The following APLF variants were observed in gnomAD, a reference collection of about 807,000 sequenced individuals.
APLF encodes the protein aprataxin and PNKP like factor.
APLF carries 61 observed loss-of-function variants against 55.6 expected under a neutral mutation model. The ratio of observed to expected loss-of-function variants is 1.10; its 90% CI spans 0.89 to 1.36. APLF has a LOEUF of 1.36. APLF is among the 40% of genes most tolerant of loss of function. The probability of loss-of-function intolerance (pLI) is 0.00; values close to 1 mark genes in which losing one functional copy is unlikely to be tolerated. For missense variants in APLF, 611 were observed against 602.5 expected (o/e 1.01, Z -0.15); for synonymous variants, 207 against 214.8 (o/e 0.96, Z 0.32).
At chr2:68,494,277 CAAAAAAAAAAAA>C (rs59466460) in intron 2 of APLF, among the ~76,000 whole-genome samples, 95 of 49,548 alleles carry the variant, frequency 1.9e-3, no homozygotes, top group Non-Finnish European at 2.3e-3. Flanking sequence ...GACCCCGTCT[CAAAAAAAAAAAA>C]AAAAAAAAAA....
At chr2:68,513,276 T>TA (rs1467802072) in intron 4 of APLF, 49 bp downstream of exon 4, 1 of 1,539,420 alleles carries the variant, frequency 6.5e-7, no homozygotes, top group Non-Finnish European at 8.7e-7. Flanking sequence ...TTCAAGTTAT[T>TA]ATGAAGGCAG....
chr2:68,548,654 A>G (rs1558550235), intron 8 of APLF, among the ~76,000 whole-genome samples: 1 of 151,948 alleles, frequency 6.6e-6, no homozygotes, highest in Non-Finnish European at 1.5e-5. Context: ...ACATACTTTT[A>G]TATATTTATT....
At chr2:68,535,985 C>T (rs1305838659) in intron 6 of APLF, among the ~76,000 whole-genome samples, 1 of 152,110 alleles carries the variant, frequency 6.6e-6, no homozygotes, top group East Asian at 1.9e-4. Flanking sequence ...CATCTGTTAG[C>T]CAGTGGATTT....
At chr2:68,565,897 G>A (rs913678434) in intron 8 of APLF, among the ~76,000 whole-genome samples, 1 of 152,112 alleles carries the variant, frequency 6.6e-6, no homozygotes, top group East Asian at 1.9e-4. Flanking sequence ...TTGCCTGGAC[G>A]TCTTTCTTAA....
intron 2 of APLF, among the ~76,000 whole-genome samples, chr2:68,495,512 G>A (rs975734992): frequency 1.3e-5 from 2 of 152,180 alleles, no homozygotes; most frequent in African/African-American, 4.8e-5. Context: ...CTCTGGCTTT[G>A]GAGGGTACAT....
chr2:68,496,277 G>C (rs1011398104), intron 2 of APLF, among the ~76,000 whole-genome samples: 1 of 151,806 alleles, frequency 6.6e-6, no homozygotes, highest in African/African-American at 2.4e-5. Context: ...AATTTTTTTT[G>C]TATTTTTAGT....
At chr2:68,480,175 A>G (rs1675908574) in intron 1 of APLF, among the ~76,000 whole-genome samples, 1 of 151,910 alleles carries the variant, frequency 6.6e-6, no homozygotes, top group Non-Finnish European at 1.5e-5. Context: ...AAGTTTATTG[A>G]ATTTGTTTAT....
In APLF at chr2:68,467,773, C is replaced by T. The variant is rs1180603605; in HGVS notation, c.42C>T (p.Pro14=). 1 of 1,234,426 alleles carries T rather than the reference C, an allele frequency of 8.1e-7. No individual in the cohort carries two copies. Among genetic ancestry groups the T allele is most frequent in the African/African-American group, 1.6e-5 (1 of 64,444 alleles). 76.5% of individuals were successfully genotyped at this position (1,234,426 alleles called of 1,614,324 possible). ...GFELQPRDGG[P]RVALAPGETV... is the part of the protein sequence containing the mutation. ...AGCTGCAGCCGCGGGACGGCGGTCC[C>T]CGGGTGGCCCTGGCGCCCGGGGAGA... is the stretch of plus-strand genomic sequence containing the variant. The change falls in exon 1 of 10, where the codon CCC becomes CCT. Residue 14 remains proline (P), a synonymous_variant. Transcript: ENST00000303795.
At chr2:68,512,021 A>G (rs1382483671) in intron 3 of APLF, among the ~76,000 whole-genome samples, 2 of 151,764 alleles carry the variant, frequency 1.3e-5, no homozygotes, top group African/African-American at 2.4e-5. Flanking sequence ...CTAAAATCTT[A>G]TATCTTTAGT....
chr2:68,486,063 T>G (rs973667220), intron 1 of APLF, among the ~76,000 whole-genome samples: 1 of 152,102 alleles, frequency 6.6e-6, no homozygotes, highest in African/African-American at 2.4e-5. Flanking sequence ...TATCACTATT[T>G]TGATGCTCGA....
intron 1 of APLF, among the ~76,000 whole-genome samples, chr2:68,472,603 A>C (rs906160870): frequency 1.3e-5 from 2 of 152,102 alleles, no homozygotes; most frequent in African/African-American, 4.8e-5. Context: ...TGAAGTTAAG[A>C]GGTGGGATCA....
intron 9 of APLF, 64 bp downstream of exon 9, chr2:68,567,451 G>A: frequency 8.0e-7 from 1 of 1,242,702 alleles, no homozygotes; most frequent in Non-Finnish European, 1.1e-6. Context: ...ATTAAACCTA[G>A]TTTCCAGTTA....
rs1671500194 is a variant in APLF, at chr2:68,572,616, G to A, written c.1334-5204G>A. Among the ~76,000 whole-genome samples the A allele has an allele frequency of 2.0e-5, 3 of 152,154 alleles. No homozygotes were observed. The South Asian group carries it at 6.2e-4, about 32-fold the overall frequency. ...TCTGGGAGGCCAAGGCAGGAGGATC[G>A]CTTGAGCCCAGGAGTTCATGACCAG... On this transcript the variant is annotated intron_variant, in intron 9 of 9. Coordinates refer to ENST00000303795, the MANE Select transcript of APLF (RefSeq NM_173545.3).
intron 8 of APLF, among the ~76,000 whole-genome samples, chr2:68,560,751 G>A (rs897382845): frequency 6.6e-6 from 1 of 152,046 alleles, no homozygotes; most frequent in African/African-American, 2.4e-5. Context: ...TGAGAAAAAG[G>A]TTGATGTAAA....
intron 5 of APLF, among the ~76,000 whole-genome samples, chr2:68,518,384 T>G (rs1401599241): frequency 1.9e-5 from 2 of 102,714 alleles, no homozygotes; most frequent in South Asian, 5.2e-4. Context: ...GACTGTATTA[T>G]ATTATTAATA....
In APLF at chr2:68,577,880, A is replaced by G. The variant is rs1286908046; in HGVS notation, c.1394A>G (p.Asn465Ser). The change falls in exon 10 of 10, where the codon AAC (asparagine) becomes AGC (serine). Residue 465 changes from asparagine (N) to serine (S), a missense_variant. Physicochemically the swap from Asn to Ser is conservative, Grantham distance 46. Coordinates refer to ENST00000303795, the MANE Select transcript of APLF (RefSeq NM_173545.3). ...GGGCAACCCAATGAGTATGACCTGAACGACAGCTTTCTAGATGATGAGGAA... is the reference window on the plus strand; with the variant it reads ...GGGCAACCCAATGAGTATGACCTGAGCGACAGCTTTCTAGATGATGAGGAA... Reference protein sequence around the residue: ...NVGQPNEYDLNDSFLDDEEED... With the variant: ...NVGQPNEYDLSDSFLDDEEED... 6.2e-6 allele frequency: 10 copies of G among 1,613,514 alleles called. No individual in the cohort carries two copies. The highest frequency in any genetic ancestry group is 6.8e-6 in the Non-Finnish European group (8 of 1,179,712).
At chr2:68,502,162 T>C (rs1397426258) in intron 2 of APLF, among the ~76,000 whole-genome samples, 1 of 152,216 alleles carries the variant, frequency 6.6e-6, no homozygotes, top group African/African-American at 2.4e-5. Context: ...ATTTCCCTTA[T>C]GACCTACATG....
chr2:68,490,296 A>G (rs757358865), intron 2 of APLF, 35 bp downstream of exon 2: 2 of 1,576,802 alleles, frequency 1.3e-6, no homozygotes, highest in Admixed American at 1.8e-5. Context: ...TTTAACTTTC[A>G]TCTCTTACCC....
intron 6 of APLF, among the ~76,000 whole-genome samples, chr2:68,527,707 C>T (rs566704415): frequency 6.1e-4 from 85 of 139,064 alleles, no homozygotes; most frequent in African/African-American, 2.1e-3. Context: ...GGGCAGGGCC[C>T]GGGCAGAGGC....
Sources: allele counts gnomAD v4.1 joint callset (sites outside exome capture counted in the v4.1 genomes callset), GRCh38; gene constraint gnomAD v4.1.1; transcripts MANE v1.5; gene names NCBI Gene and HGNC (gene_info 2026-07-23, HGNC 2026-07-21).